Variants in MAF observed in about 807,000 individuals in gnomAD.
MAF encodes transcription factor Maf.
A neutral mutation model predicts 22.0 loss-of-function variants in MAF; 10 were observed. The ratio of observed to expected loss-of-function variants is 0.45; its 90% CI spans 0.28 to 0.77. The LOEUF is 0.77. Ranked by LOEUF, MAF falls within the 30% of genes least tolerant of loss-of-function variation. The pLI, the probability that MAF is intolerant of heterozygous loss-of-function variation, is 0.12. For synonymous variants in MAF, 337 were observed against 255.8 expected (o/e 1.32, Z -3.03); for missense variants, 544 against 548.4 (o/e 0.99, Z 0.08).
the MAF span, among the ~76,000 whole-genome samples, chr16:79,571,600 T>C: frequency 6.7e-6 from 1 of 149,456 alleles, no homozygotes; most frequent in Admixed American, 6.7e-5. Context: ...TGGGAAACTG[T>C]TAAGGCAAAA....
the MAF span, among the ~76,000 whole-genome samples, chr16:79,445,604 A>G: frequency 2.0e-5 from 3 of 152,312 alleles, no homozygotes; most frequent in East Asian, 5.8e-4. Flanking sequence ...AGGGCCACTC[A>G]CAGACCCTTG....
the MAF span, among the ~76,000 whole-genome samples, chr16:79,574,394 C>A: frequency 6.6e-6 from 1 of 152,200 alleles, no homozygotes; most frequent in Admixed American, 6.5e-5. Context: ...GGGAATACCT[C>A]CATCCTTGTG....
chr16:79,221,051 G>C, the MAF span, among the ~76,000 whole-genome samples: 1 of 152,176 alleles, frequency 6.6e-6, no homozygotes, highest in African/African-American at 2.4e-5. Context: ...CTAAACTTTG[G>C]GTCAGCTCGT....
At chr16:79,420,934 T>G in the MAF span, among the ~76,000 whole-genome samples, 1 of 151,740 alleles carries the variant, frequency 6.6e-6, no homozygotes, top group Non-Finnish European at 1.5e-5. Flanking sequence ...CTTGGGAGGC[T>G]GAGACAGGAG....
the MAF span, among the ~76,000 whole-genome samples, chr16:79,321,551 A>G: frequency 6.6e-6 from 1 of 152,098 alleles, no homozygotes; most frequent in Non-Finnish European, 1.5e-5. Context: ...CCAGGAAGGA[A>G]GGGCATTTCA....
chr16:79,477,139 A>C, the MAF span, among the ~76,000 whole-genome samples: 1 of 152,180 alleles, frequency 6.6e-6, no homozygotes. Context: ...GTGGGAACTG[A>C]TACAATTACG....
intron 1 of MAF, chr16:79,596,416 T>C: frequency 9.5e-7 from 1 of 1,057,306 alleles, no homozygotes; most frequent in East Asian, 5.3e-5. Flanking sequence ...AAGGATGCAT[T>C]TTACACTTTT....
the MAF span, among the ~76,000 whole-genome samples, chr16:79,550,164 G>A: frequency 6.6e-6 from 1 of 152,086 alleles, no homozygotes; most frequent in Admixed American, 6.5e-5. Flanking sequence ...TCTCCCTAGT[G>A]TTTAATAACC....
At chr16:79,211,822 C>A in the MAF span, 1 of 1,613,490 alleles carries the variant, frequency 6.2e-7, no homozygotes, top group Non-Finnish European at 8.5e-7. Context: ...GATGGGCACA[C>A]ACACCCGCCC....
chr16:79,472,592 T>C, the MAF span, among the ~76,000 whole-genome samples: 292 of 152,162 alleles, frequency 1.9e-3, no homozygotes, highest in Middle Eastern at 0.014. Context: ...AGGAAGTAGA[T>C]GAGTGGTTGC....
At chr16:79,305,846 C>T in the MAF span, among the ~76,000 whole-genome samples, 1 of 152,174 alleles carries the variant, frequency 6.6e-6, no homozygotes, top group East Asian at 1.9e-4. Context: ...CGTTGCCAGA[C>T]CATTTCTGTA....
the MAF span, among the ~76,000 whole-genome samples, chr16:79,407,826 T>C: frequency 6.6e-6 from 1 of 152,040 alleles, no homozygotes; most frequent in East Asian, 1.9e-4. Flanking sequence ...CGCGGCTTCG[T>C]TTCATGAATG....
At chr16:79,375,949 G>A in the MAF span, among the ~76,000 whole-genome samples, 1 of 152,110 alleles carries the variant, frequency 6.6e-6, no homozygotes, top group Non-Finnish European at 1.5e-5. Flanking sequence ...ATCTGGGTGA[G>A]GAGAAATGCG....
chr16:79,314,282 C>T, the MAF span, among the ~76,000 whole-genome samples: 1 of 152,298 alleles, frequency 6.6e-6, no homozygotes, highest in African/African-American at 2.4e-5. Flanking sequence ...GTGACCTCCT[C>T]TTGGCAACCA....
At chr16:79,502,718 T>TATATATAAATATAA in the MAF span, among the ~76,000 whole-genome samples, 220 of 18,170 alleles carry the variant, frequency 0.012, 2 homozygotes, top group African/African-American at 0.023. Flanking sequence ...AATATATATA[T>TATATATAAATATAA]ATATATATAT....
chr16:79,212,418 A>C, the MAF span: 2 of 368,108 alleles, frequency 5.4e-6, no homozygotes, highest in African/African-American at 4.0e-5. Context: ...CTCCTTTGCT[A>C]ATGCTATGCA....
At chr16:79,560,835 C>T in the MAF span, among the ~76,000 whole-genome samples, 888 of 152,294 alleles carry the variant, frequency 5.8e-3, 11 homozygotes, top group African/African-American at 0.02. Flanking sequence ...CTGTGAAGGA[C>T]GCCCTTCAGT....
At chr16:79,585,830 G>GA (rs59488209), downstream of MAF, 2,945 of 521,204 alleles carry the variant, frequency 5.7e-3, 26 homozygotes, top group African/African-American at 0.039. Context: ...CAAAGAAAAG[G>GA]AAAAAAAAAA....
At chr16:79,487,841 A>G in the MAF span, among the ~76,000 whole-genome samples, 1 of 152,110 alleles carries the variant, frequency 6.6e-6, no homozygotes, top group African/African-American at 2.4e-5. Context: ...CTTGCTCTTG[A>G]TGGTAAACAG....
Sources: gnomAD v4.1 joint callset for allele counts (sites outside exome capture counted in the v4.1 genomes callset) on GRCh38, gnomAD v4.1.1 for gene constraint, MANE v1.5 for transcripts, NCBI Gene and HGNC (gene_info 2026-07-23, HGNC 2026-07-21) for gene names.